Variants in ROCK1 observed in about 807,000 individuals in gnomAD.
The protein encoded by ROCK1 is Rho associated coiled-coil containing protein kinase 1.
In ROCK1, 36 loss-of-function variants were observed where a neutral mutation model predicts 196.8. That is an observed-to-expected ratio of 0.18 (90% CI 0.14 to 0.24). The LOEUF is 0.24. ROCK1 is among the 10% of genes least tolerant of loss of function. ROCK1 has a pLI of 1.00. For synonymous variants in ROCK1, 443 were observed against 515.9 expected (o/e 0.86, Z 1.91); for missense variants, 920 against 1,562.0 (o/e 0.59, Z 6.93).
intron 18 of ROCK1, among the ~76,000 whole-genome samples, chr18:20,987,894 T>C (rs957684203): frequency 1.3e-5 from 2 of 152,234 alleles, no homozygotes; most frequent in African/African-American, 4.8e-5. Flanking sequence ...CCATCCACTA[T>C]GTTCTTCTGA....
At chr18:21,043,131 G>C (rs2036122066) in intron 6 of ROCK1, among the ~76,000 whole-genome samples, 1 of 152,098 alleles carries the variant, frequency 6.6e-6, no homozygotes, top group African/African-American at 2.4e-5. Context: ...GAGTTCATAG[G>C]ATAGGGCATT....
At chr18:21,052,961 C>T (rs2036216209) in intron 2 of ROCK1, among the ~76,000 whole-genome samples, 1 of 152,162 alleles carries the variant, frequency 6.6e-6, no homozygotes, top group Non-Finnish European at 1.5e-5. Context: ...TAAGACCAAG[C>T]TTTCCCAAGT....
chr18:20,991,473 T>C, intron 17 of ROCK1, 147 bp from the exon 18 acceptor site: 1 of 592,700 alleles, frequency 1.7e-6, no homozygotes, highest in South Asian at 2.6e-5. Context: ...AAGATAATCT[T>C]TTCTTTACCC....
intron 1 of ROCK1, among the ~76,000 whole-genome samples, chr18:21,092,360 T>C (rs751617529): frequency 9.2e-5 from 14 of 152,026 alleles, no homozygotes; most frequent in Admixed American, 6.6e-4. Context: ...GGTGGGAGGA[T>C]TGCTTGAGCC....
Position 21,111,219 on chromosome 18 carries a change from C to A in ROCK1, c.-309G>T. ...GCTCCGGCGAGGTGCTTCAGTCTAG[C>A]GGGCCCCGGCCGCCGTCGCCATGGA... On this transcript the variant is annotated 5_prime_UTR_variant, in exon 1 of 33. Coordinates refer to ENST00000399799, the MANE Select transcript of ROCK1 (RefSeq NM_005406.3). The surrounding 1 kb of genome is among the most constrained non-coding windows in gnomAD (Gnocchi z 4.2). 2.0e-6 allele frequency: 1 copy of A among 507,460 alleles called. No individual in the cohort carries two copies. The highest frequency in any genetic ancestry group is 3.4e-6 in the Non-Finnish European group (1 of 290,010). The allele number at this position is 507,460 out of a possible 1,614,324, so 31.4% of individuals were successfully genotyped here. A position where few individuals can be genotyped will look rare whatever the true frequency, so the allele number is the denominator to read the frequency against.
At chr18:20,963,579 GA>G (rs2035346509) in intron 27 of ROCK1, among the ~76,000 whole-genome samples, 1 of 152,036 alleles carries the variant, frequency 6.6e-6, no homozygotes, top group Admixed American at 6.6e-5. Flanking sequence ...AAGCTGGATG[GA>G]AAAGGGTATG....
intron 2 of ROCK1, among the ~76,000 whole-genome samples, chr18:21,054,382 G>A (rs1383627201): frequency 6.6e-6 from 1 of 152,046 alleles, no homozygotes; most frequent in African/African-American, 2.4e-5. Flanking sequence ...CACAGTGGTG[G>A]GTGAGATTTG....
At position 20,949,711 on chromosome 18, in the gene ROCK1, C is replaced by T. The variant is rs1203279670; in HGVS notation, c.*1673G>A. On this transcript the variant is annotated 3_prime_UTR_variant, in exon 33 of 33. Coordinates refer to ENST00000399799, the MANE Select transcript of ROCK1 (RefSeq NM_005406.3). ...AGCCAGCTTTTCATGTGAACTATTC[C>T]CACTCTTGTTTTAGAGCCCAAGACC... 2.0e-5 allele frequency: 3 copies of T among 152,388 alleles called. No individual in the cohort carries two copies. The highest frequency in any genetic ancestry group is 7.2e-5 in the African/African-American group (3 of 41,420). 9.4% of individuals were successfully genotyped at this position (152,388 alleles called of 1,614,324 possible).
chr18:21,013,611 G>A (rs1206649216), intron 13 of ROCK1, among the ~76,000 whole-genome samples: 3 of 151,844 alleles, frequency 2.0e-5, no homozygotes, highest in Non-Finnish European at 2.9e-5. Context: ...TCACTGCTAC[G>A]CTGTCTGGGG....
intron 1 of ROCK1, among the ~76,000 whole-genome samples, chr18:21,106,834 GA>G (rs1376542708): frequency 6.6e-6 from 1 of 152,116 alleles, no homozygotes; most frequent in Non-Finnish European, 1.5e-5. Context: ...CTTAGTTCTT[GA>G]AAAAAATTAC....
intron 13 of ROCK1, among the ~76,000 whole-genome samples, chr18:21,008,725 G>T (rs998547618): frequency 6.6e-6 from 1 of 152,156 alleles, no homozygotes; most frequent in African/African-American, 2.4e-5. Context: ...GCAGAAATTG[G>T]ACATAAATCA....
At chr18:21,078,373 C>CACACACACACACACACACACACAG (rs1491188980) in intron 1 of ROCK1, among the ~76,000 whole-genome samples, 1 of 66,118 alleles carries the variant, frequency 1.5e-5, no homozygotes, top group African/African-American at 3.6e-5. Context: ...CACACACACA[C>CACACACACACACACACACACACAG]AGAGAGAGAG....
intron 13 of ROCK1, among the ~76,000 whole-genome samples, chr18:21,008,703 T>C (rs1268983988): frequency 6.6e-6 from 1 of 152,226 alleles, no homozygotes; most frequent in Non-Finnish European, 1.5e-5. Context: ...TTCTGGGCTT[T>C]CTCATCTTTA....
At chr18:20,965,240 A>C (rs1240436116) in intron 27 of ROCK1, among the ~76,000 whole-genome samples, 2 of 152,056 alleles carry the variant, frequency 1.3e-5, no homozygotes, top group African/African-American at 4.8e-5. Context: ...AAATTAAAAA[A>C]ATTAGCCGGG....
chr18:21,053,046 A>G (rs2036217098), intron 2 of ROCK1, among the ~76,000 whole-genome samples: 2 of 152,336 alleles, frequency 1.3e-5, no homozygotes, highest in Admixed American at 1.3e-4. Context: ...CAAATAAACA[A>G]GAGTCAAGGA....
At chr18:21,049,359 TTTC>T in intron 3 of ROCK1, 130 bp from the exon 4 acceptor site, 1 of 708,244 alleles carries the variant, frequency 1.4e-6, no homozygotes, top group Non-Finnish European at 2.1e-6. Context: ...GTTATTTTTA[TTTC>T]TTCTCTTCTG....
chr18:20,955,463 T>C (rs2143322397), intron 29 of ROCK1: 3 of 532,146 alleles, frequency 5.6e-6, no homozygotes, highest in Non-Finnish European at 6.2e-6. Flanking sequence ...CTTGTGAGAA[T>C]GCAGAGAAAG....
At chr18:20,964,131 TA>T (rs970003796) in intron 27 of ROCK1, among the ~76,000 whole-genome samples, 5 of 150,884 alleles carry the variant, frequency 3.3e-5, no homozygotes, top group African/African-American at 1.2e-4. Context: ...TCCAACTACT[TA>T]AAAAAAAACT....
chr18:21,055,016 C>G (rs2036235078), intron 2 of ROCK1, among the ~76,000 whole-genome samples: 1 of 152,194 alleles, frequency 6.6e-6, no homozygotes, highest in Admixed American at 6.5e-5. Flanking sequence ...CCTCGTTGCA[C>G]TGATAGCCTC....
Sources: allele counts gnomAD v4.1 joint callset (sites outside exome capture counted in the v4.1 genomes callset), GRCh38; gene constraint gnomAD v4.1.1; non-coding constraint Gnocchi (gnomAD v3.1); transcripts MANE v1.5; gene names NCBI Gene and HGNC (gene_info 2026-07-23, HGNC 2026-07-21).